MGST2: variants seen among roughly 807,000 people sequenced by gnomAD.
MGST2 encodes the protein glutathione peroxidase MGST2.
In MGST2, 9 loss-of-function variants were observed where a neutral mutation model predicts 16.6. That is an observed-to-expected ratio of 0.54 (90% CI 0.33 to 0.95). MGST2 has a LOEUF of 0.95. Ranked by LOEUF, MGST2 falls within the 40% of genes least tolerant of loss-of-function variation. The probability of loss-of-function intolerance (pLI) is 0.03; values close to 1 mark genes in which losing one functional copy is unlikely to be tolerated. For missense variants in MGST2, 159 were observed against 175.1 expected (o/e 0.91, Z 0.52); for synonymous variants, 79 against 68.0 (o/e 1.16, Z -0.79).
chr4:139,668,593 CACAG>C (rs1432369494), intron 1 of MGST2, among the ~76,000 whole-genome samples: 3 of 119,370 alleles, frequency 2.5e-5, no homozygotes, highest in Non-Finnish European at 3.4e-5. Flanking sequence ...TCAAGAAAGA[CACAG>C]AGAGAGAGAG....
intron 5 of MGST2, among the ~76,000 whole-genome samples, chr4:139,738,745 GA>G (rs5862432): frequency 0.068 from 10,344 of 151,904 alleles, 632 homozygotes; most frequent in Admixed American, 0.19. Flanking sequence ...AGTATAGATA[GA>G]AAAAAAGTAT....
intron 5 of MGST2, chr4:139,720,139 G>A: frequency 1.2e-6 from 2 of 1,614,080 alleles, no homozygotes; most frequent in South Asian, 1.1e-5. Context: ...TTCCTGGTTG[G>A]CTGGTAGGCG....
chr4:139,743,822 CT>C (rs1192833784), downstream of MGST2, among the ~76,000 whole-genome samples: 11 of 152,154 alleles, frequency 7.2e-5, no homozygotes, highest in Non-Finnish European at 2.9e-5. Flanking sequence ...ATCTTGATTT[CT>C]TTTTTCTTTG....
At chr4:139,754,311 AC>A in the MGST2 span, among the ~76,000 whole-genome samples, 1 of 152,240 alleles carries the variant, frequency 6.6e-6, no homozygotes, top group South Asian at 2.1e-4. Context: ...AAATTTATCC[AC>A]TATGGAAAAT....
At chr4:139,688,797 A>G (rs1726399175) in intron 2 of MGST2, among the ~76,000 whole-genome samples, 1 of 152,162 alleles carries the variant, frequency 6.6e-6, no homozygotes, top group Non-Finnish European at 1.5e-5. Context: ...AGATGCCCTT[A>G]TCCACTGAAT....
At chr4:139,714,427 TG>T (rs1422955177) in intron 5 of MGST2, among the ~76,000 whole-genome samples, 4 of 152,346 alleles carry the variant, frequency 2.6e-5, no homozygotes, top group Non-Finnish European at 2.9e-5. Context: ...GCTAAGCTTC[TG>T]GGTTCTCTTT....
intron 5 of MGST2, among the ~76,000 whole-genome samples, chr4:139,727,115 G>A (rs1728505562): frequency 6.6e-6 from 1 of 152,074 alleles, no homozygotes; most frequent in Non-Finnish European, 1.5e-5. Flanking sequence ...TTTTTCTCTT[G>A]TGTTTGTTCC....
chr4:139,744,571 A>G (rs1729264040), downstream of MGST2, among the ~76,000 whole-genome samples: 1 of 152,094 alleles, frequency 6.6e-6, no homozygotes, highest in Admixed American at 6.6e-5. Flanking sequence ...TTGCTATTAA[A>G]GTTTGCTTTC....
chr4:139,678,797 C>T (rs1731093210), intron 2 of MGST2, 155 bp downstream of exon 2: 1 of 702,660 alleles, frequency 1.4e-6, no homozygotes, highest in Non-Finnish European at 2.6e-6. Flanking sequence ...TCTCAGAATC[C>T]AGAAAGTTTG....
chr4:139,697,826 T>C (rs1426090914), intron 3 of MGST2, among the ~76,000 whole-genome samples: 1 of 152,174 alleles, frequency 6.6e-6, no homozygotes, highest in Admixed American at 6.5e-5. Context: ...ATCCAAATGC[T>C]GGCATTGTCC....
chr4:139,677,539 T>C (rs1001232183), intron 1 of MGST2, among the ~76,000 whole-genome samples: 3 of 151,946 alleles, frequency 2.0e-5, no homozygotes, highest in Admixed American at 1.3e-4. Flanking sequence ...TTCACTCTTG[T>C]TGTCCAGGCT....
chr4:139,703,695 A>G (rs1281384465), intron 4 of MGST2, among the ~76,000 whole-genome samples, 159 bp downstream of exon 4: 1 of 152,208 alleles, frequency 6.6e-6, no homozygotes, highest in African/African-American at 2.4e-5. Context: ...ATACACAATT[A>G]GGCATGAGAT....
At chr4:139,738,528 C>T (rs1239762869) in intron 5 of MGST2, among the ~76,000 whole-genome samples, 1 of 152,138 alleles carries the variant, frequency 6.6e-6, no homozygotes, top group Admixed American at 6.5e-5. Flanking sequence ...GGGCACAATA[C>T]AGCGACACTC....
intron 1 of MGST2, among the ~76,000 whole-genome samples, chr4:139,668,681 C>T (rs1358982541): frequency 6.6e-6 from 1 of 151,590 alleles, no homozygotes; most frequent in Non-Finnish European, 1.5e-5. Flanking sequence ...AGGTTTATTA[C>T]AAAAACCTGT....
chr4:139,721,440 A>G (rs1293811533), intron 5 of MGST2, among the ~76,000 whole-genome samples: 5 of 152,232 alleles, frequency 3.3e-5, no homozygotes, highest in African/African-American at 9.7e-5. Context: ...AAGGTGCAGC[A>G]TGGGAGCCAG....
downstream of MGST2, among the ~76,000 whole-genome samples, chr4:139,707,155 C>A (rs1579338591): frequency 6.6e-6 from 1 of 152,142 alleles, no homozygotes. Flanking sequence ...CACCCATTAA[C>A]TCGTCATTTA....
chr4:139,729,717 A>G (rs1351818091), intron 5 of MGST2, among the ~76,000 whole-genome samples: 1 of 152,216 alleles, frequency 6.6e-6, no homozygotes, highest in Non-Finnish European at 1.5e-5. Context: ...ATTGAAATCT[A>G]CAGTAGCAGT....
intron 2 of MGST2, chr4:139,687,720 T>C (rs1005644806): frequency 6.6e-6 from 1 of 152,262 alleles, no homozygotes; most frequent in Non-Finnish European, 1.5e-5. Flanking sequence ...GGACTGTTTC[T>C]TGTTGGAAGG....
intron 2 of MGST2, 116 bp downstream of exon 2, chr4:139,678,758 A>C (rs1368316051): frequency 1.3e-5 from 11 of 831,500 alleles, no homozygotes; most frequent in Non-Finnish European, 2.3e-5. Context: ...ATCTAGTTAT[A>C]ACAAGTCACT....
Sources: gnomAD v4.1 joint callset for allele counts (sites outside exome capture counted in the v4.1 genomes callset) on GRCh38, gnomAD v4.1.1 for gene constraint, MANE v1.5 for transcripts, NCBI Gene and HGNC (gene_info 2026-07-23, HGNC 2026-07-21) for gene names.